LIMCH1: variants seen among roughly 807,000 people sequenced by gnomAD.
LIMCH1 encodes LIM and calponin homology domains-containing protein 1.
In LIMCH1, 113 loss-of-function variants were observed where a neutral mutation model predicts 176.5. That is an observed-to-expected ratio of 0.64 (90% CI 0.55 to 0.75). The LOEUF is 0.75. Ranked by LOEUF, LIMCH1 falls within the 30% of genes least tolerant of loss-of-function variation. The probability of loss-of-function intolerance (pLI) is 0.00; values close to 1 mark genes in which losing one functional copy is unlikely to be tolerated. For synonymous variants in LIMCH1, 619 were observed against 645.9 expected (o/e 0.96, Z 0.63); for missense variants, 1,674 against 1,814.9 (o/e 0.92, Z 1.41).
intron 1 of LIMCH1, among the ~76,000 whole-genome samples, chr4:41,596,448 A>G (rs2088835955): frequency 6.6e-6 from 1 of 152,180 alleles, no homozygotes; most frequent in African/African-American, 2.4e-5. Context: ...TCCGTGTGAT[A>G]ACAAAGTTAA....
intron 4 of LIMCH1, among the ~76,000 whole-genome samples, chr4:41,609,222 A>G (rs1451304998): frequency 7.2e-6 from 1 of 139,732 alleles, no homozygotes; most frequent in Non-Finnish European, 1.5e-5. Context: ...CTCAATTTCT[A>G]GTCCCTCAAC....
At chr4:41,512,005 ATC>A in intron 2 of LIMCH1, among the ~76,000 whole-genome samples, 1 of 152,214 alleles carries the variant, frequency 6.6e-6, no homozygotes, top group Non-Finnish European at 1.5e-5. Flanking sequence ...CAAATCATAT[ATC>A]TGATAAGAGG....
chr4:41,433,862 A>G (rs2061821282), intron 1 of LIMCH1, among the ~76,000 whole-genome samples: 1 of 151,998 alleles, frequency 6.6e-6, no homozygotes. Context: ...GCATGTCCCT[A>G]TAGGAGGAAA....
chr4:41,539,886 G>A (rs974819337), intron 1 of LIMCH1, among the ~76,000 whole-genome samples: 3 of 152,222 alleles, frequency 2.0e-5, no homozygotes, highest in Non-Finnish European at 4.4e-5. Flanking sequence ...CAGGAACAGT[G>A]ACCATGGCTG....
intron 2 of LIMCH1, among the ~76,000 whole-genome samples, chr4:41,601,872 A>G (rs1015541353): frequency 4.6e-5 from 7 of 152,112 alleles, no homozygotes; most frequent in African/African-American, 1.4e-4. Flanking sequence ...TGGAACTGCT[A>G]TATTTCTCTG....
rs554667376 is a variant in LIMCH1 at position 41,697,331 on chromosome 4, C to T, written c.*146C>T. 4.1e-5 allele frequency: 27 copies of T among 658,624 alleles called. No individual in the cohort carries two copies. Among genetic ancestry groups the T allele is most frequent in the South Asian group, 1.9e-4 (9 of 48,022 alleles). 40.8% of individuals were successfully genotyped at this position (658,624 alleles called of 1,614,324 possible). On this transcript the variant is annotated 3_prime_UTR_variant, in exon 32 of 32. Transcript: ENST00000503057. ...TTCTGAAAGGTGGTATCTGTTCTTT[C>T]GTAGCACAGTGTTTATGTTTTTCCT...
At chr4:41,562,199 A>G (rs1345375744) in intron 1 of LIMCH1, among the ~76,000 whole-genome samples, 6 of 152,148 alleles carry the variant, frequency 3.9e-5, no homozygotes, top group South Asian at 2.1e-4. Context: ...TCCACTTTGC[A>G]TGTTCAGTTT....
intron 2 of LIMCH1, among the ~76,000 whole-genome samples, chr4:41,500,771 G>A (rs2073122954): frequency 6.6e-6 from 1 of 152,212 alleles, no homozygotes; most frequent in Non-Finnish European, 1.5e-5. Flanking sequence ...GGCACTAGAA[G>A]AGTATAACCA....
chr4:41,484,633 G>A (rs184565147), intron 1 of LIMCH1, among the ~76,000 whole-genome samples: 134 of 152,312 alleles, frequency 8.8e-4, no homozygotes, highest in African/African-American at 3.1e-3. Flanking sequence ...AACTAATGAG[G>A]TGTTTGTAGG....
intron 19 of LIMCH1, 27 bp from the exon 20 acceptor site, chr4:41,662,794 A>G: frequency 6.5e-7 from 1 of 1,548,548 alleles, no homozygotes; most frequent in African/African-American, 1.4e-5. Flanking sequence ...TTCCTTCTGT[A>G]CGTTTCTGGA....
At chr4:41,403,450 G>A (rs901855218) in intron 1 of LIMCH1, among the ~76,000 whole-genome samples, 7 of 152,100 alleles carry the variant, frequency 4.6e-5, no homozygotes, top group Middle Eastern at 3.4e-3. Context: ...GGGTGGTGGC[G>A]CGTGTCTGTA....
chr4:41,478,409 G>A (rs1399653631), intron 1 of LIMCH1, among the ~76,000 whole-genome samples: 3 of 152,164 alleles, frequency 2.0e-5, no homozygotes, highest in African/African-American at 4.8e-5. Context: ...TGATTGAACT[G>A]TGATCATTCT....
At chr4:41,376,447 A>G (rs1477776569) in intron 1 of LIMCH1, among the ~76,000 whole-genome samples, 1 of 152,164 alleles carries the variant, frequency 6.6e-6, no homozygotes, top group Non-Finnish European at 1.5e-5. Context: ...TTCCTCAGTT[A>G]TGGATAGCTT....
At chr4:41,623,200 G>A (rs11728451) in intron 7 of LIMCH1, among the ~76,000 whole-genome samples, 20 of 152,284 alleles carry the variant, frequency 1.3e-4, no homozygotes, top group African/African-American at 4.6e-4. Context: ...CTGGAAAATA[G>A]GAATTTAAAT....
At chr4:41,653,015 T>A (rs530499512) in intron 18 of LIMCH1, among the ~76,000 whole-genome samples, 1 of 152,304 alleles carries the variant, frequency 6.6e-6, no homozygotes, top group East Asian at 1.9e-4. Flanking sequence ...TTATGGACCC[T>A]GTCTATAGTA....
intron 1 of LIMCH1, among the ~76,000 whole-genome samples, chr4:41,471,446 C>G (rs1282441876): frequency 2.0e-5 from 3 of 152,182 alleles, no homozygotes; most frequent in Admixed American, 6.5e-5. Flanking sequence ...AATAGGATCT[C>G]TGAGGTTCCA....
intron 28 of LIMCH1, among the ~76,000 whole-genome samples, chr4:41,686,236 G>A (rs192828852): frequency 6.6e-6 from 1 of 152,150 alleles, no homozygotes; most frequent in African/African-American, 2.4e-5. Context: ...ATTTAATTTT[G>A]TAAGAAAGTA....
rs1294411580 is a variant in LIMCH1 at position 41,418,430 on chromosome 4, T to C, written c.96+57494T>C. ...CAGGAATCTTGGTCAGCCACATGCA[T>C]GTACAGGACTATAAAAAAGTCCAGG... On this transcript the variant is annotated intron_variant, in intron 1 of 26. Coordinates refer to the LIMCH1 transcript ENST00000313860. 2.0e-5 allele frequency among the ~76,000 whole-genome samples: 3 copies of C among 152,196 alleles called. No individual in the cohort carries two copies. In the East Asian group the frequency reaches 5.8e-4, roughly 29 times the overall value.
At chr4:41,676,281 C>A in intron 22 of LIMCH1, 101 bp from the exon 23 acceptor site, 2 of 796,008 alleles carry the variant, frequency 2.5e-6, no homozygotes, top group Non-Finnish European at 2.1e-6. Context: ...TCCTGTGTGT[C>A]AATCTGGGTG....
Sources: gnomAD v4.1 joint callset for allele counts (sites outside exome capture counted in the v4.1 genomes callset) on GRCh38, gnomAD v4.1.1 for gene constraint, MANE v1.5 for transcripts, NCBI Gene and HGNC (gene_info 2026-07-23, HGNC 2026-07-21) for gene names.